Variants in DCT observed in about 807,000 individuals in gnomAD.
DCT encodes the protein L-dopachrome tautomerase.
Under a neutral mutation model 53.0 loss-of-function variants are expected in DCT, and 47 were observed. The observed-to-expected ratio is 0.89, with a 90% CI of 0.70 to 1.13. The LOEUF (loss-of-function observed/expected upper bound fraction) is 1.13, where lower values mean the gene tolerates loss of function less well. DCT is among the 50% of genes most tolerant of loss of function. The probability of loss-of-function intolerance (pLI) is 0.00; values close to 1 mark genes in which losing one functional copy is unlikely to be tolerated. For synonymous variants in DCT, 244 were observed against 237.0 expected, an observed-to-expected ratio of 1.03 and a Z score of -0.27; for missense variants, 669 against 637.4, an observed-to-expected ratio of 1.05 and a Z score of -0.53.
At chr13:94,546,112 T>C in the DCT span, among the ~76,000 whole-genome samples, 1 of 152,132 alleles carries the variant, frequency 6.6e-6, no homozygotes, top group Non-Finnish European at 1.5e-5. The surrounding 1 kb of genome is among the most constrained non-coding windows in gnomAD (Gnocchi z 4.2). Flanking sequence ...CTCCTTCCTC[T>C]GTGCCTTTGA....
At chr13:94,530,791 G>T in the DCT span, among the ~76,000 whole-genome samples, 1 of 152,122 alleles carries the variant, frequency 6.6e-6, no homozygotes, top group Non-Finnish European at 1.5e-5. Context: ...TCTGGCCAGG[G>T]CAATCAGGCA....
At chr13:94,512,540 G>C in the DCT span, among the ~76,000 whole-genome samples, 1 of 152,076 alleles carries the variant, frequency 6.6e-6, no homozygotes, top group Non-Finnish European at 1.5e-5. Context: ...GCCAGAAGTG[G>C]GAAAAAACGA....
At chr13:94,458,331 T>A (rs1429119161) in intron 6 of DCT, among the ~76,000 whole-genome samples, 2 of 152,166 alleles carry the variant, frequency 1.3e-5, no homozygotes, top group Admixed American at 6.6e-5. Flanking sequence ...TGGCTGAGAC[T>A]TTCCACAGTC....
chr13:94,540,534 T>C, the DCT span, among the ~76,000 whole-genome samples: 1 of 152,134 alleles, frequency 6.6e-6, no homozygotes, highest in African/African-American at 2.4e-5. Flanking sequence ...GACAAACGCA[T>C]GGCCAACAGG....
chr13:94,538,168 A>G, the DCT span, among the ~76,000 whole-genome samples: 1 of 152,248 alleles, frequency 6.6e-6, no homozygotes. Context: ...TGTTGCGGAA[A>G]GTGACTCCTG....
the DCT span, among the ~76,000 whole-genome samples, chr13:94,527,793 G>A: frequency 1.2e-4 from 19 of 152,318 alleles, no homozygotes; most frequent in South Asian, 3.5e-3. Context: ...TGAGTTTGAC[G>A]AGTTGACAGA....
chr13:94,458,193 C>A (rs749389782), intron 6 of DCT, among the ~76,000 whole-genome samples: 23 of 152,078 alleles, frequency 1.5e-4, no homozygotes, highest in Admixed American at 4.6e-4. Flanking sequence ...TATCAAGATA[C>A]CCACTCATAG....
chr13:94,466,770 T>C, intron 2 of DCT, 112 bp from the exon 3 acceptor site: 1 of 542,306 alleles, frequency 1.8e-6, no homozygotes. Flanking sequence ...TTTATAGTAG[T>C]AAGAAAAAAA....
chr13:94,471,105 G>C (rs1884619069), intron 1 of DCT, among the ~76,000 whole-genome samples: 1 of 152,308 alleles, frequency 6.6e-6, no homozygotes, highest in South Asian at 2.1e-4. Context: ...GACCATAGGG[G>C]AGGGGGAGTT....
chr13:94,451,723 T>C (rs1883106973), intron 6 of DCT, among the ~76,000 whole-genome samples: 1 of 152,224 alleles, frequency 6.6e-6, no homozygotes, highest in South Asian at 2.1e-4. Flanking sequence ...TGTCAGGTAC[T>C]GTTCTAGAGG....
chr13:94,536,214 G>A, the DCT span, among the ~76,000 whole-genome samples: 2 of 152,166 alleles, frequency 1.3e-5, no homozygotes, highest in Admixed American at 6.5e-5. Context: ...TGATAGATCC[G>A]ACCCTCAAGG....
Position 94,439,863 on chromosome 13 carries a change from G to C in DCT, c.*35C>G, listed in dbSNP as rs763012890. On this transcript the variant is annotated 3_prime_UTR_variant, in exon 8 of 8. Transcript: ENST00000377028. Reference sequence around the variant, plus strand: ...ATTGTCAGCGTCAGAACTGTGGCTTGGCCAGCCTCTTCTCTTAGGTAAGGC... The same window carrying C: ...ATTGTCAGCGTCAGAACTGTGGCTTCGCCAGCCTCTTCTCTTAGGTAAGGC... The C allele has an allele frequency of 3.9e-6, 6 of 1,551,248 alleles. No homozygotes were observed. Among genetic ancestry groups the C allele is most frequent in the Non-Finnish European group, 5.3e-6 (6 of 1,137,568 alleles).
At chr13:94,451,532 T>C (rs1883090090) in intron 6 of DCT, among the ~76,000 whole-genome samples, 1 of 152,234 alleles carries the variant, frequency 6.6e-6, no homozygotes, top group African/African-American at 2.4e-5. Flanking sequence ...CCTTGACACA[T>C]TTCTTAGCCT....
the DCT span, among the ~76,000 whole-genome samples, chr13:94,528,698 T>C: frequency 6.6e-6 from 1 of 152,074 alleles, no homozygotes; most frequent in African/African-American, 2.4e-5. Context: ...TGCCAAATGG[T>C]AAAGAGCATC....
the DCT span, among the ~76,000 whole-genome samples, chr13:94,502,391 C>T: frequency 2.0e-5 from 3 of 152,200 alleles, no homozygotes; most frequent in Non-Finnish European, 2.9e-5. Context: ...GGGAAGGACA[C>T]GGACCTTCCT....
In DCT at chr13:94,466,610, G is replaced by A; in HGVS notation, c.644C>T (p.Ala215Val). ...ATGGTACCGGTGCCAGGTAACAAAT[G>A]CAGGTCCTTGATGTGAGAAATCTAT... Reference protein sequence around the residue: ...RAIDFSHQGPAFVTWHRYHLL... With the variant: ...RAIDFSHQGPVFVTWHRYHLL... The change falls in exon 3 of 8, where the codon GCA (alanine) becomes GTA (valine). Residue 215 changes from alanine to valine, a missense_variant. By Grantham distance (64) the Ala-to-Val change is moderately conservative (BLOSUM62 0). Coordinates refer to ENST00000377028, the MANE Select transcript of DCT (RefSeq NM_001922.5). 2 of 1,612,568 alleles carry A rather than the reference G, an allele frequency of 1.2e-6. No individual in the cohort carries two copies. Among genetic ancestry groups the A allele is most frequent in the Non-Finnish European group, 1.7e-6 (2 of 1,179,194 alleles).
intron 4 of DCT, among the ~76,000 whole-genome samples, chr13:94,462,514 A>G (rs547039590): frequency 2.6e-5 from 4 of 151,496 alleles, no homozygotes; most frequent in African/African-American, 9.8e-5. Flanking sequence ...AAAAAAAAAA[A>G]TCCCCCAAAA....
the DCT span, among the ~76,000 whole-genome samples, chr13:94,527,819 G>A: frequency 5.3e-5 from 8 of 152,120 alleles, no homozygotes; most frequent in African/African-American, 1.9e-4. Flanking sequence ...GCTTCAGAAG[G>A]TCGGTAATAA....
the DCT span, among the ~76,000 whole-genome samples, chr13:94,493,914 CAACAGTGGA>C: frequency 6.6e-6 from 1 of 152,190 alleles, no homozygotes. Flanking sequence ...ATGATTGTAT[CAACAGTGGA>C]AACAGTGGGG....
Sources: allele counts gnomAD v4.1 joint callset (sites outside exome capture counted in the v4.1 genomes callset), GRCh38; gene constraint gnomAD v4.1.1; non-coding constraint Gnocchi (gnomAD v3.1); transcripts MANE v1.5; gene names NCBI Gene and HGNC (gene_info 2026-07-23, HGNC 2026-07-21).